Variants in UBE2E1 observed in about 807,000 individuals in gnomAD.
UBE2E1 encodes ubiquitin-conjugating enzyme E2 E1.
Under a neutral mutation model 21.4 loss-of-function variants are expected in UBE2E1, and 6 were observed. The ratio of observed to expected loss-of-function variants is 0.28; its 90% CI spans 0.15 to 0.55. The LOEUF is 0.55. Ranked by LOEUF, UBE2E1 falls within the 20% of genes least tolerant of loss-of-function variation. The pLI, the probability that UBE2E1 is intolerant of heterozygous loss-of-function variation, is 0.93. For synonymous variants in UBE2E1, 87 were observed against 82.7 expected, an observed-to-expected ratio of 1.05 and a Z score of -0.28; for missense variants, 142 against 236.5, an observed-to-expected ratio of 0.60 and a Z score of 2.62.
In UBE2E1 at chr3:23,847,526, G is replaced by A. The variant is rs1465700353; in HGVS notation, c.203+36016G>A. Among the ~76,000 whole-genome samples the A allele has an allele frequency of 2.0e-4, 23 of 116,156 alleles. No homozygotes were observed. In the Admixed American group the frequency reaches 2.1e-3, roughly 10 times the overall value. The allele number at this position is 116,156 out of a possible 152,430, so 76.2% of individuals were successfully genotyped here. ...TTTTTTTTTTTTGAGACAGAGTCTC[G>A]CTCTGTCACCCAGGCTGGAGTGCAG... On this transcript the variant is annotated intron_variant, in intron 3 of 5. Coordinates refer to ENST00000306627, the MANE Select transcript of UBE2E1 (RefSeq NM_003341.5).
At chr3:23,838,997 C>T (rs1479961721) in intron 3 of UBE2E1, among the ~76,000 whole-genome samples, 1 of 151,390 alleles carries the variant, frequency 6.6e-6, no homozygotes, top group East Asian at 1.9e-4. Flanking sequence ...ACATCTTTAG[C>T]TTATCACAGA....
chr3:23,835,138 C>A (rs977136147), intron 3 of UBE2E1, among the ~76,000 whole-genome samples: 1 of 152,160 alleles, frequency 6.6e-6, no homozygotes, highest in East Asian at 1.9e-4. Flanking sequence ...TGAAGTAGTT[C>A]TCAACCTTGG....
chr3:23,833,393 T>TG (rs1272066921), intron 3 of UBE2E1, among the ~76,000 whole-genome samples: 1 of 152,218 alleles, frequency 6.6e-6, no homozygotes, highest in Non-Finnish European at 1.5e-5. Context: ...TAGGCACCTT[T>TG]GGAAGGTGCT....
intron 3 of UBE2E1, among the ~76,000 whole-genome samples, chr3:23,867,258 T>C (rs991110343): frequency 2.0e-5 from 3 of 152,184 alleles, no homozygotes; most frequent in African/African-American, 7.2e-5. Flanking sequence ...CTTTGAAAAT[T>C]ATATATTTCT....
chr3:23,879,490 A>G (rs2125325337), intron 3 of UBE2E1: 1 of 326,174 alleles, frequency 3.1e-6, no homozygotes, highest in East Asian at 7.8e-5. Flanking sequence ...CTGATAGTCC[A>G]TTTCCCAATT....
chr3:23,883,317 A>G (rs941799793), intron 3 of UBE2E1, among the ~76,000 whole-genome samples: 14 of 151,872 alleles, frequency 9.2e-5, no homozygotes, highest in African/African-American at 3.4e-4. Flanking sequence ...AAACCTGGTC[A>G]GTCATTTTAT....
chr3:23,814,105 C>G lies in UBE2E1; in HGVS notation c.203+2595C>G, dbSNP rs566571800. On this transcript the variant is annotated intron_variant, in intron 3 of 5. Coordinates refer to ENST00000306627, the MANE Select transcript of UBE2E1 (RefSeq NM_003341.5). The stretch of plus-strand genomic sequence containing the variant: ...CTTCTCAGTAAATACAAAAATTAGC[C>G]GGGCATGGTGATGCACTCCAGCCTG... 2.0e-5 allele frequency among the ~76,000 whole-genome samples: 3 copies of G among 151,770 alleles called. No individual in the cohort carries two copies. In the South Asian group the frequency reaches 6.2e-4, roughly 32 times the overall value.
At chr3:23,815,337 C>CT (rs900215131) in intron 3 of UBE2E1, among the ~76,000 whole-genome samples, 10 of 152,052 alleles carry the variant, frequency 6.6e-5, no homozygotes, top group South Asian at 2.1e-4. Context: ...CTTTTGATAG[C>CT]TTTTTTTTCC....
intron 3 of UBE2E1, among the ~76,000 whole-genome samples, chr3:23,875,881 T>C (rs1391560386): frequency 3.3e-5 from 5 of 152,236 alleles, no homozygotes; most frequent in Admixed American, 2.0e-4. Context: ...CAAGCGATTC[T>C]CCTGCCTCAC....
chr3:23,848,476 A>AC (rs113295696), intron 3 of UBE2E1, among the ~76,000 whole-genome samples: 1 of 152,072 alleles, frequency 6.6e-6, no homozygotes, highest in Non-Finnish European at 1.5e-5. Context: ...TCTCAAAAAA[A>AC]AAAAAACAAA....
At position 23,872,200 on chromosome 3, in the gene UBE2E1, G is replaced by T. The variant is rs897389113; in HGVS notation, c.204-15367G>T. Among the ~76,000 whole-genome samples, 6 of 151,082 alleles carry T rather than the reference G, an allele frequency of 4.0e-5. No homozygotes were observed. In the East Asian group the frequency reaches 7.7e-4, roughly 19 times the overall value. On this transcript the variant is annotated intron_variant, in intron 3 of 5. Coordinates refer to ENST00000306627, the MANE Select transcript of UBE2E1 (RefSeq NM_003341.5). ...AGCCCGGCCAACACAGCGAAACCCC[G>T]TCTCCACCAAAAAAATACGAAAACC... is the stretch of plus-strand genomic sequence containing the variant.
At position 23,870,730 on chromosome 3, in the gene UBE2E1, T is replaced by G. The variant is rs1000959665; in HGVS notation, c.204-16837T>G. ...TTCTTGGGTGTTTCTCGCAGAGGGG[T>G]ATTTGGCAGGGTCATAGGACAATAG... On this transcript the variant is annotated intron_variant, in intron 3 of 5. Transcript: ENST00000306627. The surrounding 1 kb of genome is among the most constrained non-coding windows in gnomAD (Gnocchi z 4.2). Among the ~76,000 whole-genome samples the G allele has an allele frequency of 2.0e-4, 30 of 152,110 alleles. No homozygotes were observed. Among genetic ancestry groups the G allele is most frequent in the African/African-American group, 6.0e-4 (25 of 41,464 alleles).
At chr3:23,845,768 T>C (rs1251447303) in intron 3 of UBE2E1, among the ~76,000 whole-genome samples, 1 of 152,166 alleles carries the variant, frequency 6.6e-6, no homozygotes, top group East Asian at 1.9e-4. Flanking sequence ...ACTCTACCCA[T>C]AGTACAAAAG....
At chr3:23,881,687 T>C (rs1000898609) in intron 3 of UBE2E1, among the ~76,000 whole-genome samples, 3 of 152,202 alleles carry the variant, frequency 2.0e-5, no homozygotes, top group Non-Finnish European at 4.4e-5. Context: ...GAAATGTACT[T>C]TTCTGCTCCC....
rs1701209095 is a variant in UBE2E1 at position 23,887,272 on chromosome 3, T to C, written c.204-295T>C. ...GCTGAGATGTGTTTCCCATTTTAAGTATTGTTTACACTTTCCTACGTGTCC... is the reference window on the plus strand; with the variant it reads ...GCTGAGATGTGTTTCCCATTTTAAGCATTGTTTACACTTTCCTACGTGTCC... On this transcript the variant is annotated intron_variant, in intron 3 of 5. Coordinates refer to ENST00000306627, the MANE Select transcript of UBE2E1 (RefSeq NM_003341.5). The surrounding 1 kb of genome is among the most constrained non-coding windows in gnomAD (Gnocchi z 4.4). Among the ~76,000 whole-genome samples, 1 of 152,222 alleles carries C rather than the reference T, an allele frequency of 6.6e-6. No homozygotes were observed. The highest frequency in any genetic ancestry group is 2.4e-5 in the African/African-American group (1 of 41,458).
intron 3 of UBE2E1, among the ~76,000 whole-genome samples, chr3:23,872,301 G>T (rs959074234): frequency 1.3e-5 from 2 of 151,988 alleles, no homozygotes; most frequent in Non-Finnish European, 2.9e-5. Context: ...CAGGGAGGTT[G>T]CAGTGAGCCG....
At position 23,810,462 on chromosome 3, in the gene UBE2E1, C is replaced by T. The variant is rs974707282; in HGVS notation, c.153-998C>T. On this transcript the variant is annotated intron_variant, in intron 2 of 5. Coordinates refer to ENST00000306627, the MANE Select transcript of UBE2E1 (RefSeq NM_003341.5). This position sits in a 1 kb window ranked among gnomAD's most constrained non-coding sequence, Gnocchi z 5.8. ...GTCTCCAGTCTATCCCCAGTGTGAGCTAGAGAGCGGACCATGAAGGAAGTG... is the reference window on the plus strand; with the variant it reads ...GTCTCCAGTCTATCCCCAGTGTGAGTTAGAGAGCGGACCATGAAGGAAGTG... The T allele has an allele frequency of 7.8e-6, 12 of 1,535,610 alleles. No homozygotes were observed. The South Asian group carries it at 1.3e-4, about 17-fold the overall frequency.
At chr3:23,819,139 C>G (rs1244866215) in intron 3 of UBE2E1, among the ~76,000 whole-genome samples, 1 of 152,030 alleles carries the variant, frequency 6.6e-6, no homozygotes, top group African/African-American at 2.4e-5. Context: ...AAAAAATTAG[C>G]CAGGCGTGGT....
chr3:23,840,645 C>G, intron 3 of UBE2E1, among the ~76,000 whole-genome samples: 1 of 152,182 alleles, frequency 6.6e-6, no homozygotes, highest in African/African-American at 2.4e-5. Context: ...TATTCTCAGC[C>G]CTGTGCGAGC....
Sources: allele counts gnomAD v4.1 joint callset (sites outside exome capture counted in the v4.1 genomes callset), GRCh38; gene constraint gnomAD v4.1.1; non-coding constraint Gnocchi (gnomAD v3.1); transcripts MANE v1.5; gene names NCBI Gene and HGNC (gene_info 2026-07-23, HGNC 2026-07-21).